Variants in ZNF831 observed in about 807,000 individuals in gnomAD.
ZNF831 encodes zinc finger protein 831.
Under a neutral mutation model 95.8 loss-of-function variants are expected in ZNF831, and 59 were observed. That is an observed-to-expected ratio of 0.62 (90% CI 0.50 to 0.77). ZNF831 has a LOEUF of 0.77. ZNF831 is among the 30% of genes least tolerant of loss of function. ZNF831 has a pLI of 0.00. For missense variants in ZNF831, 2,205 were observed against 2,164.0 expected, an observed-to-expected ratio of 1.02 and a Z score of -0.38; for synonymous variants, 961 against 925.5, an observed-to-expected ratio of 1.04 and a Z score of -0.70.
chr20:59,229,646 G>A (rs1326801854), intron 4 of ZNF831, among the ~76,000 whole-genome samples: 6 of 152,078 alleles, frequency 3.9e-5, no homozygotes, highest in Admixed American at 1.3e-4. Flanking sequence ...AAGGCGTCTG[G>A]GTATAGGTGG....
At chr20:59,142,927 C>T (rs1300538938) in intron 1 of ZNF831, among the ~76,000 whole-genome samples, 1 of 152,160 alleles carries the variant, frequency 6.6e-6, no homozygotes, top group African/African-American at 2.4e-5. Context: ...ACCACGGTCT[C>T]ACTCTGTTGC....
Position 59,194,375 on chromosome 20 carries a change from T to C in ZNF831, c.3356T>C (p.Leu1119Pro), listed in dbSNP as rs1457726669. 6.2e-7 allele frequency: 1 copy of C among 1,611,318 alleles called. No homozygotes were observed. The highest frequency in any genetic ancestry group is 8.5e-7 in the Non-Finnish European group (1 of 1,178,860). The change falls in exon 2 of 6, where the codon CTG becomes CCG. Residue 1119 changes from leucine to proline, a missense_variant. Leu to Pro is a moderately conservative substitution (Grantham distance 98). Transcript: ENST00000371030. ...NAPEDPSSGP[L>P]VGPDPCSPLQ... ...CCAGAAGATCCTTCTTCAGGGCCCCTGGTGGGCCCCGACCCGTGTTCCCCC... is the reference window on the plus strand; with the variant it reads ...CCAGAAGATCCTTCTTCAGGGCCCCCGGTGGGCCCCGACCCGTGTTCCCCC...
At chr20:59,140,687 C>T (rs1979650889) in intron 1 of ZNF831, among the ~76,000 whole-genome samples, 1 of 152,130 alleles carries the variant, frequency 6.6e-6, no homozygotes, top group Admixed American at 6.5e-5. Context: ...GCAACTGGGT[C>T]TGGGTGACCC....
At chr20:59,228,286 G>A (rs1261169916) in intron 4 of ZNF831, among the ~76,000 whole-genome samples, 1 of 152,128 alleles carries the variant, frequency 6.6e-6, no homozygotes, top group African/African-American at 2.4e-5. Flanking sequence ...TGATCTTGCT[G>A]GGTTTGCTCA....
At chr20:59,148,376 T>A (rs1979996599) in intron 2 of ZNF831, among the ~76,000 whole-genome samples, 1 of 152,038 alleles carries the variant, frequency 6.6e-6, no homozygotes, top group African/African-American at 2.4e-5. Flanking sequence ...TTTCTGATGT[T>A]CTGAAGATGG....
intron 1 of ZNF831, among the ~76,000 whole-genome samples, chr20:59,134,060 G>A (rs956522971): frequency 6.6e-6 from 1 of 152,192 alleles, no homozygotes; most frequent in Non-Finnish European, 1.5e-5. Flanking sequence ...GATGTCTTGG[G>A]CATGTTTCTG....
intron 4 of ZNF831, among the ~76,000 whole-genome samples, chr20:59,250,840 G>C (rs992575192): frequency 1.3e-5 from 2 of 151,830 alleles, no homozygotes; most frequent in Non-Finnish European, 2.9e-5. Flanking sequence ...AAAAGACCAA[G>C]AAACAGAACA....
At chr20:59,227,984 A>G (rs965209742) in intron 4 of ZNF831, among the ~76,000 whole-genome samples, 2 of 152,250 alleles carry the variant, frequency 1.3e-5, no homozygotes, top group African/African-American at 4.8e-5. Context: ...TCAACCACAT[A>G]GGTTATAGTG....
intron 4 of ZNF831, among the ~76,000 whole-genome samples, chr20:59,209,950 C>T (rs1477931457): frequency 6.6e-6 from 1 of 152,138 alleles, no homozygotes; most frequent in Non-Finnish European, 1.5e-5. Context: ...TTTCAAGATC[C>T]TTAATTTGAT....
chr20:59,193,562 C>T lies in ZNF831; in HGVS notation c.2543C>T (p.Thr848Met), dbSNP rs375167639. 3.7e-5 allele frequency: 59 copies of T among 1,605,588 alleles called. No individual in the cohort carries two copies. The highest frequency in any genetic ancestry group is 6.7e-5 in the South Asian group (6 of 89,658). Residue 848 changes from threonine to methionine, a missense_variant, in exon 2 of 6, where the codon ACG (threonine) becomes ATG (methionine). Transcript: ENST00000371030. ...AGCGCAGAGACCCCAGGTGGGCCCA[C>T]GCAGCCTGCCTCTTTGTCATCCCAG... ...PVSAETPGGP[T>M]QPASLSSQKQ...
intron 4 of ZNF831, among the ~76,000 whole-genome samples, chr20:59,207,608 A>T (rs1984991992): frequency 6.6e-6 from 1 of 152,224 alleles, no homozygotes; most frequent in African/African-American, 2.4e-5. Context: ...CTTCCTGGAA[A>T]AATGGCTATT....
At chr20:59,224,650 C>T (rs144445555) in intron 4 of ZNF831, among the ~76,000 whole-genome samples, 1 of 152,148 alleles carries the variant, frequency 6.6e-6, no homozygotes, top group Non-Finnish European at 1.5e-5. Context: ...CTCTGACTTT[C>T]GATTGTTTCT....
At chr20:59,182,697 C>T (rs1982713997) in intron 1 of ZNF831, among the ~76,000 whole-genome samples, 1 of 150,626 alleles carries the variant, frequency 6.6e-6, no homozygotes. Context: ...AAGCTTTCTG[C>T]ACACTGTGTG....
chr20:59,172,565 C>T (rs1261952511), intron 1 of ZNF831, among the ~76,000 whole-genome samples: 1 of 152,174 alleles, frequency 6.6e-6, no homozygotes, highest in Non-Finnish European at 1.5e-5. Context: ...GCCTGTGATA[C>T]ACCCGGCCCA....
chr20:59,127,357 T>A (rs972451150), intron 1 of ZNF831, among the ~76,000 whole-genome samples: 2 of 152,288 alleles, frequency 1.3e-5, no homozygotes, highest in African/African-American at 4.8e-5. Context: ...ATCCGTGGGA[T>A]CCTGTGAAAA....
At chr20:59,236,485 C>T (rs1224246004) in intron 4 of ZNF831, among the ~76,000 whole-genome samples, 2 of 151,254 alleles carry the variant, frequency 1.3e-5, no homozygotes, top group East Asian at 3.9e-4. Context: ...GAGACAGAGT[C>T]TCACTGTGTT....
At position 59,201,389 on chromosome 20, in the gene ZNF831, G is replaced by T. The variant is rs116313045; in HGVS notation, c.3875+5384G>T. Among the ~76,000 whole-genome samples the T allele has an allele frequency of 4.6e-3, 707 of 152,148 alleles. 3 individuals are homozygous for T. Among genetic ancestry groups the T allele is most frequent in the African/African-American group, 0.016 (683 of 41,508 alleles). On this transcript the variant is annotated intron_variant, in intron 3 of 5. Coordinates refer to ENST00000371030, the MANE Select transcript of ZNF831 (RefSeq NM_178457.3). ...TACTCTGATTATAAGTTCCTTATCG[G>T]AGATGTGATTTGTAACTATTTTCTT...
At chr20:59,207,086 C>A in intron 4 of ZNF831, 30 bp downstream of exon 4, 1 of 1,607,576 alleles carries the variant, frequency 6.2e-7, no homozygotes, top group African/African-American at 1.3e-5. Context: ...TGCATCCAGA[C>A]TGGGCACTCG....
Position 59,194,001 on chromosome 20 carries a change from AG to A in ZNF831, c.2984del (p.Gly995AlafsTer70). On this transcript the variant is annotated frameshift_variant, in exon 2 of 6. Coordinates refer to ENST00000371030, the MANE Select transcript of ZNF831 (RefSeq NM_178457.3). LOFTEE classifies it high-confidence loss of function. ...CCCCTCTTTCTCCCAGCCCAGCCTC[AG>A]GCCCCTCCCCAGGTGAGGCGGACAG... ...GTPLSPSPAS[G>X]PSPGEADSIL... is the part of the protein sequence containing the mutation. 6.5e-7 allele frequency: 1 copy of A among 1,531,246 alleles called. No homozygotes were observed. Among genetic ancestry groups the A allele is most frequent in the African/African-American group, 1.4e-5 (1 of 72,606 alleles). 94.9% of individuals were successfully genotyped at this position (1,531,246 alleles called of 1,614,324 possible).
Sources: gnomAD v4.1 joint callset for allele counts (sites outside exome capture counted in the v4.1 genomes callset) on GRCh38, gnomAD v4.1.1 for gene constraint, MANE v1.5 for transcripts, NCBI Gene and HGNC (gene_info 2026-07-23, HGNC 2026-07-21) for gene names.